PCDH11X: variants seen among roughly 807,000 people sequenced by gnomAD.
The protein encoded by PCDH11X is protocadherin-11 X-linked.
A neutral mutation model predicts 53.3 loss-of-function variants in PCDH11X; 18 were observed. The observed-to-expected ratio is 0.34, with a 90% confidence interval of 0.23 to 0.50. The LOEUF is 0.50. Among genes scored for constraint, PCDH11X ranks in the 20% least tolerant of loss-of-function variants. The pLI is 0.98. For missense variants in PCDH11X, 570 were observed against 1,032.4 expected, an observed-to-expected ratio of 0.55 and a Z score of 6.14; for synonymous variants, 279 against 393.3, an observed-to-expected ratio of 0.71 and a Z score of 3.44.
chrX:92,613,674 A>G (rs2148818633), intron 10 of PCDH11X, among the ~76,000 whole-genome samples: 1 of 109,102 alleles, frequency 9.2e-6, no homozygotes, highest in African/African-American at 3.3e-5. Flanking sequence ...TTGAATCTGG[A>G]TATCTGTCTC....
chrX:92,185,901 C>A (rs925474547), intron 6 of PCDH11X, among the ~76,000 whole-genome samples: 1 of 110,918 alleles, frequency 9.0e-6, no homozygotes, highest in Admixed American at 9.6e-5. Context: ...CTTTTATAGG[C>A]TTTTGGTAGA....
intron 6 of PCDH11X, among the ~76,000 whole-genome samples, chrX:92,157,214 C>T (rs988446848): frequency 5.4e-5 from 6 of 111,504 alleles, no homozygotes; most frequent in East Asian, 5.7e-4. Context: ...CTTTTATGAA[C>T]GTCTGAATTA....
chrX:92,258,668 A>C (rs938289810), intron 7 of PCDH11X, among the ~76,000 whole-genome samples: 2 of 112,047 alleles, frequency 1.8e-5, no homozygotes, highest in Admixed American at 9.4e-5. Flanking sequence ...CATCCGGCCT[A>C]GTTATGCAAA....
At chrX:92,148,133 T>TTTCCTTCC (rs202024225) in intron 6 of PCDH11X, among the ~76,000 whole-genome samples, 8 of 5,202 alleles carry the variant, frequency 1.5e-3, no homozygotes, top group Non-Finnish European at 2.0e-3. Flanking sequence ...TTTCTTTCTT[T>TTTCCTTCC]TTCCTTCCTT....
At chrX:92,534,719 T>C (rs1421980463) in intron 10 of PCDH11X, among the ~76,000 whole-genome samples, 1 of 111,523 alleles carries the variant, frequency 9.0e-6, no homozygotes, top group Non-Finnish European at 1.9e-5. Context: ...GCAGAAACTC[T>C]ACAAGCCAGA....
intron 8 of PCDH11X, among the ~76,000 whole-genome samples, chrX:92,351,629 G>T (rs1274490480): frequency 9.0e-6 from 1 of 111,580 alleles, no homozygotes; most frequent in Non-Finnish European, 1.9e-5. Flanking sequence ...AAATAAACAT[G>T]TAATTAAACA....
chrX:92,151,643 C>A (rs1241410053), intron 6 of PCDH11X, among the ~76,000 whole-genome samples: 2 of 110,719 alleles, frequency 1.8e-5, no homozygotes, highest in Non-Finnish European at 3.8e-5. Flanking sequence ...TATCTTAATT[C>A]TACGGTTCTT....
chrX:92,491,835 T>C (rs190843343), intron 10 of PCDH11X, among the ~76,000 whole-genome samples: 3,032 of 111,428 alleles, frequency 0.027, 99 homozygotes, highest in African/African-American at 0.094. Flanking sequence ...GCAGTATTTT[T>C]CTTTCTATGT....
chrX:92,559,341 T>TA (rs752498437), intron 10 of PCDH11X, among the ~76,000 whole-genome samples: 2 of 110,972 alleles, frequency 1.8e-5, no homozygotes, highest in East Asian at 5.6e-4. Context: ...AATGAGCCTT[T>TA]AAAAAAATAC....
intron 6 of PCDH11X, among the ~76,000 whole-genome samples, chrX:92,026,605 A>G (rs1348155133): frequency 1.0e-5 from 1 of 96,740 alleles, no homozygotes; most frequent in East Asian, 3.4e-4. Flanking sequence ...AATTTGGAGG[A>G]AGAATAATTT....
chrX:92,390,315 G>T (rs1370268895), intron 9 of PCDH11X, among the ~76,000 whole-genome samples: 1 of 108,821 alleles, frequency 9.2e-6, no homozygotes, highest in African/African-American at 3.3e-5. Context: ...TAATTTACTT[G>T]AAATGAAGCT....
rs2071039268 is a variant in PCDH11X at position 92,387,738 on chromosome X, C to A, written c.3148C>A (p.Gln1050Lys). 8.3e-7 allele frequency: 1 copy of A among 1,210,293 alleles called. No individual in the cohort carries two copies. The highest frequency in any genetic ancestry group is 1.1e-6 in the Non-Finnish European group (1 of 895,240). The change falls in exon 9 of 11, where the codon CAG (glutamine) becomes AAG (lysine). Residue 1050 changes from glutamine to lysine, a missense_variant. By Grantham distance (53) the Gln-to-Lys change is moderately conservative. Transcript: ENST00000682573. ...KSEGKVAGKS[Q>K]RRVTFHLPEG... is the part of the protein sequence containing the mutation. ...TAATTTTCATTCTCCCTTTCAGTCC[C>A]AGCGGCGTGTCACATTTCACCTGCC...
At chrX:91,940,325 A>G (rs1251773221) in intron 6 of PCDH11X, among the ~76,000 whole-genome samples, 2 of 111,504 alleles carry the variant, frequency 1.8e-5, no homozygotes, top group Non-Finnish European at 3.8e-5. Context: ...TCAGGTATTT[A>G]TAGTAACGCA....
At chrX:92,601,172 G>A (rs1055103509) in intron 10 of PCDH11X, among the ~76,000 whole-genome samples, 1 of 109,533 alleles carries the variant, frequency 9.1e-6, no homozygotes, top group Non-Finnish European at 1.9e-5. Context: ...TTGGGGAACT[G>A]TTGGGAAGGA....
At chrX:92,089,455 A>G (rs766378811) in intron 6 of PCDH11X, among the ~76,000 whole-genome samples, 1 of 112,396 alleles carries the variant, frequency 8.9e-6, no homozygotes, top group East Asian at 2.8e-4. Context: ...TCTGAAATAA[A>G]ATAAAAACCC....
rs1020320033 is a variant in PCDH11X, at chrX:92,069,498, C to A, written c.3034-131877C>A. Among the ~76,000 whole-genome samples, 8 of 110,463 alleles carry A rather than the reference C, an allele frequency of 7.2e-5. 1 individual carries two copies. The highest frequency in any genetic ancestry group is 4.9e-4 in the Admixed American group (5 of 10,307). On this transcript the variant is annotated intron_variant, in intron 6 of 10. Coordinates refer to ENST00000682573, the MANE Select transcript of PCDH11X (RefSeq NM_032968.5). Reference sequence around the variant, plus strand: ...ATTATTATTGATAAGCAGGTACATACTCCTTCCATTTTGTTATTTATTTTC... The same window carrying A: ...ATTATTATTGATAAGCAGGTACATAATCCTTCCATTTTGTTATTTATTTTC...
In PCDH11X at chrX:92,621,033, T is replaced by G. The variant is rs1928442361; in HGVS notation, c.*2093T>G. On this transcript the variant is annotated 3_prime_UTR_variant, in exon 11 of 11. Transcript: ENST00000682573. Reference sequence around the variant, plus strand: ...TTCCAGTAGATTTTAGAACATTCTTTGCCTCAAAAAACCTGCAAAGATGAT... The same window carrying G: ...TTCCAGTAGATTTTAGAACATTCTTGGCCTCAAAAAACCTGCAAAGATGAT... 9.4e-6 allele frequency: 1 copy of G among 106,261 alleles called. No homozygotes were observed. The highest frequency in any genetic ancestry group is 1.9e-5 in the Non-Finnish European group (1 of 51,972). 8.8% of individuals were successfully genotyped at this position (106,261 alleles called of 1,213,427 possible).
rs1451834055 is a variant in PCDH11X, at chrX:92,428,381, G to A, written c.3344-39918G>A. 5.4e-5 allele frequency among the ~76,000 whole-genome samples: 6 copies of A among 111,382 alleles called. No individual in the cohort carries two copies. The East Asian group carries it at 1.7e-3, about 32-fold the overall frequency. ...TCCCTTCCTGGCTTTATTGCTTGAAGATAATAGAGTAAGGCAGGAGCATGT... is the reference window on the plus strand; with the variant it reads ...TCCCTTCCTGGCTTTATTGCTTGAAAATAATAGAGTAAGGCAGGAGCATGT... On this transcript the variant is annotated intron_variant, in intron 9 of 10. Coordinates refer to ENST00000682573, the MANE Select transcript of PCDH11X (RefSeq NM_032968.5).
At chrX:91,838,201 TA>T in intron 5 of PCDH11X, among the ~76,000 whole-genome samples, 1 of 112,015 alleles carries the variant, frequency 8.9e-6, no homozygotes, top group East Asian at 2.8e-4. Flanking sequence ...CTAATTCAAA[TA>T]AAACAAATAA....
Sources: allele counts gnomAD v4.1 joint callset (sites outside exome capture counted in the v4.1 genomes callset), GRCh38; gene constraint gnomAD v4.1.1; transcripts MANE v1.5; gene names NCBI Gene and HGNC (gene_info 2026-07-23, HGNC 2026-07-21).